The following UNC13C variants were observed in gnomAD, a reference collection of about 807,000 sequenced individuals.
UNC13C encodes the protein unc-13 homolog C, also known as protein unc-13 homolog C.
In UNC13C, 174 loss-of-function variants were observed where a neutral mutation model predicts 245.4. The observed-to-expected ratio is 0.71, with a 90% CI of 0.63 to 0.80. The LOEUF (loss-of-function observed/expected upper bound fraction) is 0.80. Among genes scored for constraint, UNC13C ranks in the 30% least tolerant of loss-of-function variants. The probability of loss-of-function intolerance (pLI) is 0.00; values close to 1 mark genes in which losing one functional copy is unlikely to be tolerated. For missense variants in UNC13C, 2,829 were observed against 2,602.9 expected, an observed-to-expected ratio of 1.09 and a Z score of -1.89; for synonymous variants, 992 against 895.1, an observed-to-expected ratio of 1.11 and a Z score of -1.93.
chr15:54,241,239 A>G (rs74013521), intron 7 of UNC13C, among the ~76,000 whole-genome samples: 7,860 of 152,146 alleles, frequency 0.052, 668 homozygotes, highest in African/African-American at 0.18. Context: ...GGCTTCTAGG[A>G]AGTGTTCATT....
intron 17 of UNC13C, among the ~76,000 whole-genome samples, chr15:54,381,896 CA>C (rs1403246999): frequency 6.6e-6 from 1 of 152,120 alleles, no homozygotes; most frequent in Non-Finnish European, 1.5e-5. Context: ...AACTTGCGAC[CA>C]AATGAATCTA....
Position 54,480,212 on chromosome 15 carries a change from A to G in UNC13C, c.4934-14396A>G, listed in dbSNP as rs146034985. Among the ~76,000 whole-genome samples the G allele has an allele frequency of 2.8e-4, 42 of 152,012 alleles. 1 individual carries two copies. The highest frequency in any genetic ancestry group is 8.4e-4 in the African/African-American group (35 of 41,532). On this transcript the variant is annotated intron_variant, in intron 19 of 32. Transcript: ENST00000260323. The stretch of plus-strand genomic sequence containing the variant: ...TTCCTGTATTTGAATGTCCATATTT[A>G]TTGTAAGACTTAAGAAGCCTTCATT...
At chr15:54,464,741 GA>G (rs1892075907) in intron 19 of UNC13C, among the ~76,000 whole-genome samples, 2 of 152,036 alleles carry the variant, frequency 1.3e-5, no homozygotes, top group Admixed American at 1.3e-4. Context: ...TTATCCAGTA[GA>G]AAATGAGTGT....
chr15:53,935,155 TTA>T, the UNC13C span, among the ~76,000 whole-genome samples: 1 of 63,144 alleles, frequency 1.6e-5, no homozygotes, highest in African/African-American at 3.3e-5. Context: ...ATCCTCCTGA[TTA>T]AAAAAAAAAA....
chr15:54,301,015 C>T (rs1325403727), intron 13 of UNC13C, among the ~76,000 whole-genome samples: 1 of 152,064 alleles, frequency 6.6e-6, no homozygotes, highest in Non-Finnish European at 1.5e-5. Context: ...GGATTTAGAA[C>T]TGAATTTCAG....
chr15:54,014,735 A>C lies in UNC13C; in HGVS notation c.1832A>C (p.Gln611Pro). The C allele has an allele frequency of 6.2e-7, 1 of 1,613,906 alleles. No individual in the cohort carries two copies. Among genetic ancestry groups the C allele is most frequent in the Non-Finnish European group, 8.5e-7 (1 of 1,179,840 alleles). ...PKDQHLNGGVQGIQGQTETEN... is the reference protein window; with the variant it reads ...PKDQHLNGGVPGIQGQTETEN... ...GACCAGCATTTGAATGGAGGTGTTC[A>C]GGGTATCCAAGGGCAGACTGAAACT... The change falls in exon 2 of 33, where the codon CAG becomes CCG. Residue 611 changes from glutamine to proline, a missense_variant. By Grantham distance (76) the Gln-to-Pro change is moderately conservative. Transcript: ENST00000260323.
chr15:54,211,961 G>C (rs937930438), intron 4 of UNC13C, among the ~76,000 whole-genome samples: 2 of 152,036 alleles, frequency 1.3e-5, no homozygotes, highest in East Asian at 1.9e-4. Context: ...CGTTTTGCTG[G>C]CTTATTCACT....
At chr15:54,628,715 G>T (rs11856308), downstream of UNC13C, 12,102 of 152,052 alleles carry the variant, frequency 0.08, 534 homozygotes, top group Middle Eastern at 0.11. Context: ...CATATTATTT[G>T]GTTCTAACAT....
At chr15:54,085,521 G>A (rs1459855847) in intron 2 of UNC13C, among the ~76,000 whole-genome samples, 1 of 152,104 alleles carries the variant, frequency 6.6e-6, no homozygotes, top group East Asian at 1.9e-4. Context: ...GTGCCCAGAA[G>A]CCTAGTAGAA....
At chr15:53,962,245 T>G in the UNC13C span, among the ~76,000 whole-genome samples, 1 of 152,286 alleles carries the variant, frequency 6.6e-6, no homozygotes, top group African/African-American at 2.4e-5. Flanking sequence ...AATATCATTT[T>G]TCATGCTAAT....
intron 26 of UNC13C, among the ~76,000 whole-genome samples, chr15:54,541,321 T>C (rs529164956): frequency 3.9e-4 from 60 of 152,198 alleles, no homozygotes; most frequent in South Asian, 1.7e-3. Context: ...AACAGCCAAA[T>C]GTGTCTGTCA....
chr15:54,334,237 CTT>C (rs2038515695), intron 16 of UNC13C, among the ~76,000 whole-genome samples: 1 of 152,216 alleles, frequency 6.6e-6, no homozygotes, highest in African/African-American at 2.4e-5. Flanking sequence ...GTAGCTGACT[CTT>C]TTAAGTTTAC....
At position 54,333,906 on chromosome 15, in the gene UNC13C, C is replaced by T. The variant is rs774751205; in HGVS notation, c.4584+50C>T. Reference sequence around the variant, plus strand: ...GTTTTGTTGTGACATAGAATACATTCATCCCCTGGTAAAGTCTTGCTTTAC... The same window carrying T: ...GTTTTGTTGTGACATAGAATACATTTATCCCCTGGTAAAGTCTTGCTTTAC... On this transcript the variant is annotated intron_variant, in intron 16 of 32. Coordinates refer to ENST00000260323, the MANE Select transcript of UNC13C (RefSeq NM_001080534.3). The T allele has an allele frequency of 9.8e-5, 134 of 1,364,176 alleles. 2 individuals are homozygous for T. In the South Asian group the frequency reaches 1.6e-3, roughly 16 times the overall value. 84.5% of individuals were successfully genotyped at this position (1,364,176 alleles called of 1,614,324 possible).
chr15:54,420,514 G>A (rs562862650), intron 19 of UNC13C, among the ~76,000 whole-genome samples: 39 of 152,010 alleles, frequency 2.6e-4, no homozygotes, highest in Non-Finnish European at 4.4e-4. Flanking sequence ...GAGAGTATGC[G>A]AGGTGATGAA....
intron 30 of UNC13C, among the ~76,000 whole-genome samples, chr15:54,621,903 C>T (rs1053972581): frequency 1.3e-5 from 2 of 152,164 alleles, no homozygotes; most frequent in South Asian, 4.1e-4. Context: ...CTATGAGTTT[C>T]ATGAAGGCAG....
chr15:54,395,000 G>GT (rs1335441066), intron 18 of UNC13C, among the ~76,000 whole-genome samples: 1 of 151,068 alleles, frequency 6.6e-6, no homozygotes, highest in Non-Finnish European at 1.5e-5. Flanking sequence ...AATTGTTTTT[G>GT]TTTTTTTCAA....
rs1421825517 is a variant in UNC13C, at chr15:54,300,385, A to G, written c.4268+12A>G. Reference sequence around the variant, plus strand: ...TATCAAGCTATGACGTAAGTACTACAGAACATTTACATGGTCAATATCTCT... The same window carrying G: ...TATCAAGCTATGACGTAAGTACTACGGAACATTTACATGGTCAATATCTCT... On this transcript the variant is annotated intron_variant, in intron 13 of 32. Transcript: ENST00000260323. The G allele has an allele frequency of 6.4e-7, 1 of 1,559,788 alleles. No homozygotes were observed. The highest frequency in any genetic ancestry group is 1.2e-5 in the South Asian group (1 of 84,592).
rs113835305 is a variant in UNC13C, at chr15:54,118,606, C to T, written c.2984-24412C>T. The stretch of plus-strand genomic sequence containing the variant: ...TCATCTGTGAATAGGGATAATTCAA[C>T]TCATTACCTTCCAGTTTGAATGTCC... On this transcript the variant is annotated intron_variant, in intron 2 of 32. Transcript: ENST00000260323. Among the ~76,000 whole-genome samples, 642 of 152,216 alleles carry T rather than the reference C, an allele frequency of 4.2e-3. 7 individuals carry two copies. Among genetic ancestry groups the T allele is most frequent in the African/African-American group, 0.015 (617 of 41,534 alleles).
chr15:54,185,374 G>A (rs538048836), intron 4 of UNC13C, among the ~76,000 whole-genome samples: 4 of 151,534 alleles, frequency 2.6e-5, no homozygotes, highest in East Asian at 1.9e-4. Flanking sequence ...GTATTGCCTA[G>A]GTTTTCTTCT....
Sources: gnomAD v4.1 joint callset for allele counts (sites outside exome capture counted in the v4.1 genomes callset) on GRCh38, gnomAD v4.1.1 for gene constraint, MANE v1.5 for transcripts, NCBI Gene and HGNC (gene_info 2026-07-23, HGNC 2026-07-21) for gene names.